IL17RD: variants seen among roughly 807,000 people sequenced by gnomAD.
The protein encoded by IL17RD is interleukin 17 receptor D.
IL17RD carries 52 observed loss-of-function variants against 80.5 expected under a neutral mutation model. The ratio of observed to expected loss-of-function variants is 0.65; its 90% CI spans 0.52 to 0.81. IL17RD has a LOEUF of 0.81. Ranked by LOEUF, IL17RD falls within the 40% of genes least tolerant of loss-of-function variation. The pLI is 0.00. For synonymous variants in IL17RD, 416 were observed against 391.8 expected (o/e 1.06, Z -0.73); for missense variants, 1,024 against 955.1 (o/e 1.07, Z -0.95).
intron 1 of IL17RD, among the ~76,000 whole-genome samples, chr3:57,153,236 G>C (rs751541620): frequency 6.6e-6 from 1 of 152,194 alleles, no homozygotes; most frequent in Non-Finnish European, 1.5e-5. Context: ...ACTACTATTA[G>C]CACAGATCTC....
chr3:57,119,181 T>C (rs2107497039), intron 2 of IL17RD, among the ~76,000 whole-genome samples: 1 of 151,888 alleles, frequency 6.6e-6, no homozygotes, highest in Middle Eastern at 3.4e-3. Context: ...TGAAACCCCA[T>C]CTCTACTAAA....
chr3:57,152,749 T>C (rs543416878), intron 1 of IL17RD, among the ~76,000 whole-genome samples: 8 of 152,222 alleles, frequency 5.3e-5, no homozygotes, highest in Non-Finnish European at 1.0e-4. Context: ...CTAATGAAAC[T>C]GTCTGTAACG....
chr3:57,153,156 A>G (rs566873357), intron 1 of IL17RD, among the ~76,000 whole-genome samples: 6 of 152,378 alleles, frequency 3.9e-5, no homozygotes, highest in African/African-American at 1.4e-4. Context: ...TAGACTCTCA[A>G]TAAAGTAAAA....
intron 5 of IL17RD, among the ~76,000 whole-genome samples, chr3:57,108,290 G>A (rs929299363): frequency 3.3e-5 from 5 of 151,706 alleles, no homozygotes; most frequent in African/African-American, 9.7e-5. Context: ...TCCTGACTTC[G>A]TGATCTGCCT....
At chr3:57,129,643 C>A (rs1044063623) in intron 1 of IL17RD, among the ~76,000 whole-genome samples, 1 of 152,186 alleles carries the variant, frequency 6.6e-6, no homozygotes, top group African/African-American at 2.4e-5. Flanking sequence ...GCAAGCCCCA[C>A]GCACATTTCC....
chr3:57,110,895 C>T (rs1265110596), intron 3 of IL17RD, among the ~76,000 whole-genome samples: 1 of 152,264 alleles, frequency 6.6e-6, no homozygotes, highest in Non-Finnish European at 1.5e-5. Context: ...GAAAGGCAGA[C>T]ACCCAAGGGT....
rs1706733260 is a variant in IL17RD, at chr3:57,098,123, T to G, written c.1580A>C (p.Gln527Pro). ...GLQEPGQHTR[Q>P]GSRRNYFRSK... Reference sequence around the variant, plus strand: ...CCGGAAGTAGTTCCTTCTGCTGCCCTGTCGCGTGTGCTGCCCCGGCTCCTG... The same window carrying G: ...CCGGAAGTAGTTCCTTCTGCTGCCCGGTCGCGTGTGCTGCCCCGGCTCCTG... The change falls in exon 12 of 13, where the codon CAG becomes CCG. Residue 527 changes from glutamine to proline, a missense_variant. Coordinates refer to ENST00000296318, the MANE Select transcript of IL17RD (RefSeq NM_017563.5). 3 of 1,613,950 alleles carry G rather than the reference T, an allele frequency of 1.9e-6. No homozygotes were observed. In the East Asian group the frequency reaches 6.7e-5, roughly 36 times the overall value.
At chr3:57,109,702 A>C (rs1351808450) in intron 4 of IL17RD, 45 bp from the exon 5 acceptor site, 1 of 1,589,268 alleles carries the variant, frequency 6.3e-7, no homozygotes, top group African/African-American at 1.3e-5. Context: ...GAAATTACCC[A>C]CCCCTCCACC....
chr3:57,104,223 A>G, intron 8 of IL17RD, 119 bp downstream of exon 8: 1 of 680,378 alleles, frequency 1.5e-6, no homozygotes, highest in Non-Finnish European at 2.5e-6. Flanking sequence ...AGAACCATAT[A>G]AAAATATAAC....
chr3:57,120,210 A>G, intron 2 of IL17RD, 46 bp downstream of exon 2: 3 of 1,432,392 alleles, frequency 2.1e-6, no homozygotes, highest in Non-Finnish European at 9.9e-7. Flanking sequence ...TAATCTCTAG[A>G]TGACTCAAAG....
upstream of IL17RD, among the ~76,000 whole-genome samples, chr3:57,168,909 G>T (rs2060358727): frequency 6.6e-6 from 1 of 152,176 alleles, no homozygotes; most frequent in African/African-American, 2.4e-5. Context: ...GTAGAGGTGG[G>T]GTTTCACCAT....
intron 1 of IL17RD, among the ~76,000 whole-genome samples, chr3:57,144,600 T>A (rs1382220008): frequency 6.6e-6 from 1 of 152,218 alleles, no homozygotes; most frequent in East Asian, 1.9e-4. Flanking sequence ...CTCACCCTTG[T>A]GGAGGGGAAG....
chr3:57,158,121 C>T (rs1436202146), intron 1 of IL17RD, among the ~76,000 whole-genome samples: 2 of 152,158 alleles, frequency 1.3e-5, no homozygotes, highest in Non-Finnish European at 2.9e-5. Context: ...ATTAATGCTA[C>T]CAATTTCCAT....
chr3:57,112,812 A>G (rs1234260206), intron 3 of IL17RD, among the ~76,000 whole-genome samples: 1 of 152,246 alleles, frequency 6.6e-6, no homozygotes, highest in Non-Finnish European at 1.5e-5. Context: ...CGATTAAGAA[A>G]TTCAGACTTT....
At chr3:57,143,030 T>C (rs1454561019) in intron 1 of IL17RD, among the ~76,000 whole-genome samples, 2 of 152,142 alleles carry the variant, frequency 1.3e-5, no homozygotes, top group Non-Finnish European at 2.9e-5. Flanking sequence ...ATAAATAAAG[T>C]AGACAGAGAA....
At position 57,110,173 on chromosome 3, in the gene IL17RD, C is replaced by T. The variant is rs778587599; in HGVS notation, c.429+20G>A. 3.0e-5 allele frequency: 47 copies of T among 1,570,530 alleles called. No individual in the cohort carries two copies. Among genetic ancestry groups the T allele is most frequent in the Non-Finnish European group, 4.0e-5 (46 of 1,156,262 alleles). ...GAACAATGGCATGTCTTCAGGAGCA[C>T]GTTCCCCAGTGTGACTTACAGTTCT... is the stretch of plus-strand genomic sequence containing the variant. On this transcript the variant is annotated intron_variant, in intron 4 of 12. Transcript: ENST00000296318.
chr3:57,096,490 G>A lies in IL17RD; in HGVS notation c.2123C>T (p.Pro708Leu), dbSNP rs756453483. The A allele has an allele frequency of 6.2e-7, 1 of 1,612,488 alleles. No homozygotes were observed. Among genetic ancestry groups the A allele is most frequent in the African/African-American group, 1.3e-5 (1 of 74,902 alleles). Residue 708 changes from proline to leucine, a missense_variant, in exon 13 of 13, where the codon CCT becomes CTT. Transcript: ENST00000296318. ...SSSGLGEEEP[P>L]ALPSKLLSSG... ...AGAGAGGAGCTTGGAAGGAAGGGCAGGAGGTTCCTCCTCACCTAAGGAGAG... is the reference window on the plus strand; with the variant it reads ...AGAGAGGAGCTTGGAAGGAAGGGCAAGAGGTTCCTCCTCACCTAAGGAGAG...
intron 1 of IL17RD, among the ~76,000 whole-genome samples, chr3:57,138,329 A>G (rs1707766372): frequency 1.3e-5 from 2 of 152,226 alleles, no homozygotes; most frequent in African/African-American, 2.4e-5. Context: ...CATTAAAGGA[A>G]ACTGAACCAG....
chr3:57,098,601 T>G (rs895448185), intron 11 of IL17RD, 63 bp from the exon 12 acceptor site: 1 of 1,105,492 alleles, frequency 9.0e-7, no homozygotes, highest in Non-Finnish European at 1.3e-6. Flanking sequence ...GGGAAGTGAG[T>G]AACAGGAAGG....
Sources: gnomAD v4.1 joint callset for allele counts (sites outside exome capture counted in the v4.1 genomes callset) on GRCh38, gnomAD v4.1.1 for gene constraint, MANE v1.5 for transcripts, NCBI Gene and HGNC (gene_info 2026-07-23, HGNC 2026-07-21) for gene names.